The following ETV6 variants were observed in gnomAD, a reference collection of about 807,000 sequenced individuals.
The protein encoded by ETV6 is transcription factor ETV6.
ETV6 carries 16 observed loss-of-function variants against 51.1 expected under a neutral mutation model. That is an observed-to-expected ratio of 0.31 (90% CI 0.21 to 0.48). The LOEUF (loss-of-function observed/expected upper bound fraction) is 0.48. Ranked by LOEUF, ETV6 falls within the 20% of genes least tolerant of loss-of-function variation. ETV6 has a pLI of 0.99. For missense variants in ETV6, 458 were observed against 594.8 expected, an observed-to-expected ratio of 0.77 and a Z score of 2.39; for synonymous variants, 240 against 224.1, an observed-to-expected ratio of 1.07 and a Z score of -0.64.
At chr12:11,820,936 A>G (rs1438482479) in intron 2 of ETV6, among the ~76,000 whole-genome samples, 1 of 152,200 alleles carries the variant, frequency 6.6e-6, no homozygotes, top group Non-Finnish European at 1.5e-5. Context: ...ACCAGTAACA[A>G]TGATCCAGGC....
chr12:11,652,460 T>C (rs1167285729), intron 1 of ETV6, among the ~76,000 whole-genome samples: 1 of 152,216 alleles, frequency 6.6e-6, no homozygotes, highest in Non-Finnish European at 1.5e-5. Flanking sequence ...AGTTGCTTGC[T>C]TCTAGAGTCC....
Position 11,891,081 on chromosome 12 carries a change from C to G in ETV6, c.*35C>G. 1 of 1,529,652 alleles carries G rather than the reference C, an allele frequency of 6.5e-7. No homozygotes were observed. Among genetic ancestry groups the G allele is most frequent in the Non-Finnish European group, 9.0e-7 (1 of 1,105,182 alleles). 94.8% of individuals were successfully genotyped at this position (1,529,652 alleles called of 1,614,324 possible). A position where few individuals can be genotyped will look rare whatever the true frequency, so the allele number is the denominator to read the frequency against. On this transcript the variant is annotated 3_prime_UTR_variant, in exon 8 of 8. Transcript: ENST00000396373. ...CAGTCCACCTCAGCGGGCCAGCAGC[C>G]CAGGGAACCCCTGCCCACCAGGATT...
At chr12:11,886,967 G>A (rs1476798063) in intron 7 of ETV6, among the ~76,000 whole-genome samples, 1 of 152,144 alleles carries the variant, frequency 6.6e-6, no homozygotes, top group Non-Finnish European at 1.5e-5. Flanking sequence ...TCTATATACA[G>A]GTAGGAAGTG....
At chr12:11,868,490 T>C (rs1262123910) in intron 4 of ETV6, among the ~76,000 whole-genome samples, 1 of 143,634 alleles carries the variant, frequency 7.0e-6, no homozygotes, top group South Asian at 2.2e-4. Flanking sequence ...CAGGCTGGAG[T>C]GCAATGGTGT....
chr12:11,856,932 A>G (rs1946641120), intron 4 of ETV6, among the ~76,000 whole-genome samples: 1 of 152,236 alleles, frequency 6.6e-6, no homozygotes, highest in Non-Finnish European at 1.5e-5. Context: ...AAGATGACAC[A>G]TGTTGCTGCC....
intron 7 of ETV6, among the ~76,000 whole-genome samples, chr12:11,888,377 C>CTT (rs1190414626): frequency 1.8e-5 from 2 of 112,502 alleles, no homozygotes; most frequent in African/African-American, 6.9e-5. Context: ...CTACAATTTG[C>CTT]TTTTTCTTTT....
Position 11,853,512 on chromosome 12 carries a change from C to T in ETV6, c.414C>T (p.Asn138=), listed in dbSNP as rs1463296065. ...TTTCACCATTCTTCCACCCTGGAAA[C>T]TCTATACACACACAGCCGGAGGTCA... The part of the protein sequence containing the change: ...ILFSPFFHPG[N]SIHTQPEVIL... The change falls in exon 4 of 8, where the codon AAC becomes AAT. Residue 138 remains asparagine, a synonymous_variant. Coordinates refer to ENST00000396373, the MANE Select transcript of ETV6 (RefSeq NM_001987.5). 1 of 1,614,112 alleles carries T rather than the reference C, an allele frequency of 6.2e-7. No homozygotes were observed. Among genetic ancestry groups the T allele is most frequent in the African/African-American group, 1.3e-5 (1 of 74,932 alleles).
At chr12:11,854,618 C>G (rs1946604335) in intron 4 of ETV6, among the ~76,000 whole-genome samples, 1 of 152,200 alleles carries the variant, frequency 6.6e-6, no homozygotes, top group South Asian at 2.1e-4. Flanking sequence ...TCTGAGCCAT[C>G]ACCCTTGCCT....
At chr12:11,713,173 G>A (rs1565495583) in intron 1 of ETV6, among the ~76,000 whole-genome samples, 1 of 152,190 alleles carries the variant, frequency 6.6e-6, no homozygotes, top group Non-Finnish European at 1.5e-5. Flanking sequence ...ACATGCCTCA[G>A]TGAGCCTCTG....
intron 2 of ETV6, among the ~76,000 whole-genome samples, chr12:11,768,546 T>C (rs1356556676): frequency 2.6e-5 from 4 of 152,174 alleles, no homozygotes; most frequent in Non-Finnish European, 5.9e-5. Context: ...GCACCCCTAC[T>C]GTTTTGACTG....
At chr12:11,825,167 C>T (rs1946134947) in intron 2 of ETV6, among the ~76,000 whole-genome samples, 1 of 152,074 alleles carries the variant, frequency 6.6e-6, no homozygotes, top group Non-Finnish European at 1.5e-5. Context: ...AACACAACAT[C>T]AATCAGAATT....
intron 2 of ETV6, among the ~76,000 whole-genome samples, chr12:11,778,030 T>C (rs1344397576): frequency 6.6e-6 from 1 of 152,184 alleles, no homozygotes; most frequent in African/African-American, 2.4e-5. Context: ...CATTTATGAA[T>C]GGGTGGATCT....
At chr12:11,716,615 C>T (rs1865285518) in intron 1 of ETV6, 1 of 152,210 alleles carries the variant, frequency 6.6e-6, no homozygotes, top group Admixed American at 6.5e-5. Context: ...TTGGAAGACT[C>T]ATTATTCAGA....
At chr12:11,667,651 T>G (rs544084727) in intron 1 of ETV6, among the ~76,000 whole-genome samples, 1 of 149,718 alleles carries the variant, frequency 6.7e-6, no homozygotes, top group Non-Finnish European at 1.5e-5. Context: ...CACCTCAGCT[T>G]CCCAAGTAGC....
chr12:11,842,771 G>A (rs1946409826), intron 3 of ETV6, among the ~76,000 whole-genome samples: 1 of 152,220 alleles, frequency 6.6e-6, no homozygotes, highest in Admixed American at 6.5e-5. Context: ...AAGCAGGAAA[G>A]CTAGTTAGAG....
At chr12:11,743,854 A>G (rs1865857159) in intron 1 of ETV6, among the ~76,000 whole-genome samples, 2 of 152,206 alleles carry the variant, frequency 1.3e-5, no homozygotes, top group African/African-American at 2.4e-5. Flanking sequence ...GGACACAAAA[A>G]AGAGCAAAGC....
In ETV6 at chr12:11,836,694, C is replaced by G. The variant is rs545708637; in HGVS notation, c.164-2446C>G. ...AAATTACTACTTGCATCCCCCACCC[C>G]CTTCTCACCCACCTCCCTCCGTTGC... is the stretch of plus-strand genomic sequence containing the variant. On this transcript the variant is annotated intron_variant, in intron 2 of 7. Coordinates refer to ENST00000396373, the MANE Select transcript of ETV6 (RefSeq NM_001987.5). Among the ~76,000 whole-genome samples the G allele has an allele frequency of 2.6e-5, 4 of 152,276 alleles. No individual in the cohort carries two copies. In the South Asian group the frequency reaches 6.2e-4, roughly 24 times the overall value.
At chr12:11,753,362 T>C (rs1433249420) in intron 2 of ETV6, among the ~76,000 whole-genome samples, 1 of 152,060 alleles carries the variant, frequency 6.6e-6, no homozygotes, top group Non-Finnish European at 1.5e-5. Context: ...GCCACCCAGC[T>C]CAGGTGATAA....
intron 2 of ETV6, among the ~76,000 whole-genome samples, chr12:11,834,655 A>G (rs1946289549): frequency 6.6e-6 from 1 of 152,274 alleles, no homozygotes; most frequent in Non-Finnish European, 1.5e-5. Context: ...AAGAATTAGA[A>G]TATAATGAAA....
Sources: gnomAD v4.1 joint callset for allele counts (sites outside exome capture counted in the v4.1 genomes callset) on GRCh38, gnomAD v4.1.1 for gene constraint, MANE v1.5 for transcripts, NCBI Gene and HGNC (gene_info 2026-07-23, HGNC 2026-07-21) for gene names.